The following MAPK8 variants were observed in gnomAD, a reference collection of about 807,000 sequenced individuals.
The protein encoded by MAPK8 is mitogen-activated protein kinase 8.
Under a neutral mutation model 52.9 loss-of-function variants are expected in MAPK8, and 13 were observed. The observed-to-expected ratio is 0.25, with a 90% CI of 0.16 to 0.39. MAPK8 has a LOEUF of 0.39. MAPK8 is among the 10% of genes least tolerant of loss of function. The probability of loss-of-function intolerance (pLI) is 1.00; values close to 1 mark genes in which losing one functional copy is unlikely to be tolerated. For missense variants in MAPK8, 300 were observed against 519.2 expected (o/e 0.58, Z 4.10); for synonymous variants, 191 against 169.8 (o/e 1.12, Z -0.97).
chr10:48,366,670 T>C (rs1848074088), intron 1 of MAPK8, among the ~76,000 whole-genome samples: 1 of 152,196 alleles, frequency 6.6e-6, no homozygotes, highest in African/African-American at 2.4e-5. Flanking sequence ...CCTAATATTC[T>C]TTATTCTCTT....
intron 1 of MAPK8, among the ~76,000 whole-genome samples, chr10:48,372,010 T>C (rs1017646550): frequency 6.6e-6 from 1 of 152,084 alleles, no homozygotes; most frequent in South Asian, 2.1e-4. Flanking sequence ...TATGCCACGC[T>C]CTGGGAACCT....
In MAPK8 at chr10:48,426,768, G is replaced by T; in HGVS notation, c.996+264G>T. ...AACTAGGATGTTGAATGCTCTGGGGGAACATCCTAACTCAGGTATAAAACA... is the reference window on the plus strand; with the variant it reads ...AACTAGGATGTTGAATGCTCTGGGGTAACATCCTAACTCAGGTATAAAACA... On this transcript the variant is annotated intron_variant, in intron 9 of 11. Transcript: ENST00000374189. 2.0e-5 allele frequency: 10 copies of T among 490,968 alleles called. No individual in the cohort carries two copies. In the South Asian group the frequency reaches 2.6e-4, roughly 13 times the overall value. The allele number at this position is 490,968 out of a possible 1,614,324, so 30.4% of individuals were successfully genotyped here. A position where few individuals can be genotyped will look rare whatever the true frequency, so the allele number is the denominator to read the frequency against.
In MAPK8 at chr10:48,391,741, C is replaced by T. The variant is rs565146700; in HGVS notation, c.-49-9871C>T. ...AGTCGAGGGCCCAGTCCCCTCCCAC[C>T]GCCACCAGATACCAGTCTCAGGTCT... is the stretch of plus-strand genomic sequence containing the variant. On this transcript the variant is annotated intron_variant, in intron 1 of 11. Coordinates refer to ENST00000374189, the MANE Select transcript of MAPK8 (RefSeq NM_001323329.2). Among the ~76,000 whole-genome samples, 22 of 152,274 alleles carry T rather than the reference C, an allele frequency of 1.4e-4. No individual in the cohort carries two copies. The South Asian group carries it at 2.1e-3, about 14-fold the overall frequency.
intron 1 of MAPK8, among the ~76,000 whole-genome samples, chr10:48,318,791 A>G (rs1347943052): frequency 2.0e-5 from 3 of 152,220 alleles, no homozygotes; most frequent in African/African-American, 7.2e-5. Flanking sequence ...TCCTCAATGA[A>G]TAAGGAAGAA....
chr10:48,368,047 A>G (rs537469930), intron 1 of MAPK8, among the ~76,000 whole-genome samples: 1 of 152,346 alleles, frequency 6.6e-6, no homozygotes, highest in East Asian at 1.9e-4. Flanking sequence ...TAGTTAAGAA[A>G]TCATTGAAAT....
chr10:48,329,871 A>G (rs1028351225), intron 1 of MAPK8, among the ~76,000 whole-genome samples: 1 of 152,226 alleles, frequency 6.6e-6, no homozygotes, highest in African/African-American at 2.4e-5. Context: ...AGGTCAGGGC[A>G]TACTCTTTTT....
At chr10:48,416,762 G>C (rs146145881) in intron 5 of MAPK8, among the ~76,000 whole-genome samples, 1 of 152,120 alleles carries the variant, frequency 6.6e-6, no homozygotes, top group Admixed American at 6.6e-5. Context: ...GTCCCTTGCC[G>C]TGGGTGGGGA....
At chr10:48,355,079 T>C (rs1029680491) in intron 1 of MAPK8, among the ~76,000 whole-genome samples, 2 of 151,008 alleles carry the variant, frequency 1.3e-5, no homozygotes, top group Non-Finnish European at 3.0e-5. Flanking sequence ...GAATATGAAG[T>C]AAGTGTTTCA....
At position 48,353,631 on chromosome 10, in the gene MAPK8, G is replaced by GAA. The variant is rs531503529; in HGVS notation, c.-50+46818_-50+46819dup. 1.1e-4 allele frequency among the ~76,000 whole-genome samples: 17 copies of GAA among 151,190 alleles called. No homozygotes were observed. In the East Asian group the frequency reaches 2.3e-3, roughly 21 times the overall value. ...CTACAACCATAAAACTTAAAACATGGAAAAAAAAATCTCTGGGACATTTGT... is the reference window on the plus strand; with the variant it reads ...CTACAACCATAAAACTTAAAACATGGAAAAAAAAAAATCTCTGGGACATTTGT... On this transcript the variant is annotated intron_variant, in intron 1 of 11. Transcript: ENST00000374189.
intron 1 of MAPK8, chr10:48,326,075 A>T (rs535372820): frequency 8.5e-5 from 13 of 152,070 alleles, no homozygotes; most frequent in African/African-American, 2.9e-4. Context: ...CCTCCTTTTC[A>T]TACTGTAATA....
chr10:48,351,272 ATTT>A (rs66660207), intron 1 of MAPK8, among the ~76,000 whole-genome samples: 3 of 129,534 alleles, frequency 2.3e-5, no homozygotes, highest in Non-Finnish European at 4.7e-5. Flanking sequence ...ATAACTTTGA[ATTT>A]TTTTTTTTTT....
At chr10:48,380,288 A>G (rs928770340) in intron 1 of MAPK8, among the ~76,000 whole-genome samples, 1 of 152,244 alleles carries the variant, frequency 6.6e-6, no homozygotes, top group Non-Finnish European at 1.5e-5. Context: ...ATACCAAGGC[A>G]TATCAGATGT....
At chr10:48,425,539 ATAT>A (rs1482705379) in intron 7 of MAPK8, 2 of 325,456 alleles carry the variant, frequency 6.1e-6, no homozygotes, top group Admixed American at 4.5e-5. Context: ...AAAATTTTGT[ATAT>A]TATTATAGCA....
intron 1 of MAPK8, among the ~76,000 whole-genome samples, chr10:48,366,259 CAAAAA>C (rs529306838): frequency 6.6e-6 from 1 of 150,704 alleles, no homozygotes; most frequent in African/African-American, 2.4e-5. Context: ...CTAAACTAAA[CAAAAA>C]AAACCCCTAA....
chr10:48,306,984 G>T (rs989428655), intron 1 of MAPK8, 163 bp downstream of exon 1: 2 of 152,118 alleles, frequency 1.3e-5, no homozygotes, highest in African/African-American at 4.8e-5. Flanking sequence ...AACAATAGCG[G>T]CGCGGAGGCG....
At chr10:48,416,639 T>C (rs1298014234) in intron 5 of MAPK8, among the ~76,000 whole-genome samples, 2 of 152,160 alleles carry the variant, frequency 1.3e-5, no homozygotes, top group Non-Finnish European at 2.9e-5. Context: ...ATACCATAGA[T>C]GGAGTGGTCA....
At chr10:48,323,076 A>G (rs1040214243) in intron 1 of MAPK8, among the ~76,000 whole-genome samples, 1 of 152,148 alleles carries the variant, frequency 6.6e-6, no homozygotes, top group African/African-American at 2.4e-5. Context: ...TGAGGGTAAG[A>G]TTTTGGGTAC....
intron 1 of MAPK8, among the ~76,000 whole-genome samples, chr10:48,335,788 T>C (rs368087836): frequency 4.1e-4 from 63 of 152,322 alleles, no homozygotes; most frequent in African/African-American, 1.3e-3. Flanking sequence ...TAACAGATAA[T>C]GTGGATATTC....
At chr10:48,401,832 T>C in intron 2 of MAPK8, 50 bp downstream of exon 2, 2 of 1,338,106 alleles carry the variant, frequency 1.5e-6, no homozygotes, top group South Asian at 2.4e-5. Context: ...ACTGCTACCT[T>C]TTCTCCTCTC....
Sources: allele counts gnomAD v4.1 joint callset (sites outside exome capture counted in the v4.1 genomes callset), GRCh38; gene constraint gnomAD v4.1.1; transcripts MANE v1.5; gene names NCBI Gene and HGNC (gene_info 2026-07-23, HGNC 2026-07-21).